HMGN5: variants seen among roughly 807,000 people sequenced by gnomAD.
The protein encoded by HMGN5 is high mobility group nucleosome binding domain 5.
A neutral mutation model predicts 9.5 loss-of-function variants in HMGN5; 4 were observed. That is an observed-to-expected ratio of 0.42 (90% confidence interval 0.21 to 0.96). The LOEUF (loss-of-function observed/expected upper bound fraction) is 0.96, where lower values mean the gene tolerates loss of function less well. Ranked by LOEUF, HMGN5 falls within the 40% of genes least tolerant of loss-of-function variation. The pLI, the probability that HMGN5 is intolerant of heterozygous loss-of-function variation, is 0.30. For missense variants in HMGN5, 192 were observed against 187.5 expected (o/e 1.02, Z -0.14); for synonymous variants, 55 against 57.1 (o/e 0.96, Z 0.16).
At chrX:81,118,529 T>C (rs372255250) in intron 4 of HMGN5, 44 bp from the exon 5 acceptor site, 3 of 1,048,094 alleles carry the variant, frequency 2.9e-6, no homozygotes, top group Non-Finnish European at 3.9e-6. Context: ...AAAAAAATCA[T>C]ATTTGAAGAA....
intron 1 of HMGN5, among the ~76,000 whole-genome samples, chrX:81,145,203 C>T (rs187281708): frequency 3.5e-3 from 386 of 111,812 alleles, no homozygotes; most frequent in African/African-American, 0.012. Flanking sequence ...TCATCAGATT[C>T]ACCAAGGTTG....
chrX:81,170,722 T>C (rs1392532822), intron 1 of HMGN5, among the ~76,000 whole-genome samples: 5 of 111,281 alleles, frequency 4.5e-5, no homozygotes, highest in African/African-American at 1.6e-4. Context: ...AACGCTAACA[T>C]ATCTCAAATT....
At chrX:81,143,315 T>A (rs972186233) in intron 1 of HMGN5, among the ~76,000 whole-genome samples, 3 of 110,868 alleles carry the variant, frequency 2.7e-5, no homozygotes, top group Non-Finnish European at 5.7e-5. Flanking sequence ...TGGACTAAAC[T>A]CTCCCATCAA....
intron 1 of HMGN5, among the ~76,000 whole-genome samples, chrX:81,178,664 C>A (rs1374633406): frequency 9.0e-6 from 1 of 111,687 alleles, no homozygotes; most frequent in Non-Finnish European, 1.9e-5. Flanking sequence ...CTATTCCAAT[C>A]AATAGAAAAA....
intron 1 of HMGN5, among the ~76,000 whole-genome samples, chrX:81,163,829 C>T (rs769436114): frequency 8.1e-5 from 9 of 111,406 alleles, no homozygotes; most frequent in South Asian, 3.8e-4. Flanking sequence ...GATTCTTATG[C>T]GATCTCCATT....
chrX:81,120,805 G>C (rs1171942361), intron 2 of HMGN5, among the ~76,000 whole-genome samples: 1 of 111,085 alleles, frequency 9.0e-6, no homozygotes, highest in Admixed American at 9.6e-5. Flanking sequence ...AGCTCGAAAG[G>C]CTCAGATCAA....
At chrX:81,159,048 C>A (rs1404143580) in intron 1 of HMGN5, among the ~76,000 whole-genome samples, 1 of 111,507 alleles carries the variant, frequency 9.0e-6, no homozygotes, top group Non-Finnish European at 1.9e-5. Context: ...GAGTACTATG[C>A]AGCTATAAAA....
chrX:81,180,687 A>T (rs1278192746), intron 1 of HMGN5, among the ~76,000 whole-genome samples: 1 of 111,953 alleles, frequency 8.9e-6, no homozygotes, highest in Non-Finnish European at 1.9e-5. Context: ...TGACCCAGCA[A>T]TCCTATTACT....
chrX:81,114,543 T>C lies in HMGN5; in HGVS notation c.*106A>G, dbSNP rs2075246765. The C allele has an allele frequency of 4.1e-6, 3 of 740,470 alleles. No individual in the cohort carries two copies. The highest frequency in any genetic ancestry group is 5.4e-6 in the Non-Finnish European group (3 of 553,416). The allele number at this position is 740,470 out of a possible 1,213,427, so 61.0% of individuals were successfully genotyped here. A position where few individuals can be genotyped will look rare whatever the true frequency, so the allele number is the denominator to read the frequency against. ...AGATGTTCTGAAATTAAATCAATGCTAAAGAAAGGCTGTGTTTATAAAATT... is the reference window on the plus strand; with the variant it reads ...AGATGTTCTGAAATTAAATCAATGCCAAAGAAAGGCTGTGTTTATAAAATT... On this transcript the variant is annotated 3_prime_UTR_variant, in exon 7 of 7. Coordinates refer to ENST00000358130, the MANE Select transcript of HMGN5 (RefSeq NM_030763.3).
intron 1 of HMGN5, among the ~76,000 whole-genome samples, chrX:81,131,414 G>A (rs188752312): frequency 1.3e-3 from 142 of 111,280 alleles, no homozygotes; most frequent in Non-Finnish European, 2.5e-3. Context: ...GTATAGTCAG[G>A]TGAACCCCTG....
At chrX:81,164,681 G>C (rs1191897714) in intron 1 of HMGN5, among the ~76,000 whole-genome samples, 1 of 111,463 alleles carries the variant, frequency 9.0e-6, no homozygotes, top group Non-Finnish European at 1.9e-5. Flanking sequence ...ACCAAACAAA[G>C]AAGCTGGAGT....
At chrX:81,173,963 C>A (rs2075434115) in intron 1 of HMGN5, among the ~76,000 whole-genome samples, 2 of 111,080 alleles carry the variant, frequency 1.8e-5, no homozygotes, top group Admixed American at 1.9e-4. Context: ...ATGTGAACTC[C>A]TGGAGATATG....
chrX:81,164,450 A>G (rs966889666), intron 1 of HMGN5, among the ~76,000 whole-genome samples: 1 of 111,501 alleles, frequency 9.0e-6, no homozygotes, highest in Non-Finnish European at 1.9e-5. Context: ...CAACTTTGTT[A>G]TATTTTGTCA....
chrX:81,149,247 G>A (rs965205144), intron 1 of HMGN5, among the ~76,000 whole-genome samples: 39 of 111,786 alleles, frequency 3.5e-4, no homozygotes, highest in African/African-American at 1.2e-3. Flanking sequence ...ACCAATGGTA[G>A]AGTGGATTAA....
chrX:81,183,401 G>T (rs1488778509), intron 1 of HMGN5, among the ~76,000 whole-genome samples: 1 of 112,623 alleles, frequency 8.9e-6, no homozygotes, highest in East Asian at 2.8e-4. Context: ...GGGCCCCGCT[G>T]CCCTGTGCAG....
intron 1 of HMGN5, among the ~76,000 whole-genome samples, chrX:81,189,480 G>A (rs1034420121): frequency 4.5e-5 from 5 of 111,683 alleles, no homozygotes; most frequent in East Asian, 2.8e-4. Flanking sequence ...GGAATCATAC[G>A]GTATGTAGCC....
chrX:81,184,781 C>A (rs1201611090), intron 1 of HMGN5, among the ~76,000 whole-genome samples: 1 of 111,343 alleles, frequency 9.0e-6, no homozygotes, highest in Non-Finnish European at 1.9e-5. Context: ...AGTCTTTAAT[C>A]CATTTTGAAT....
At chrX:81,172,890 G>GA (rs1457355473) in intron 1 of HMGN5, among the ~76,000 whole-genome samples, 1 of 110,803 alleles carries the variant, frequency 9.0e-6, no homozygotes, top group Non-Finnish European at 1.9e-5. Context: ...AAACTACAAT[G>GA]AAAAAGAATG....
chrX:81,186,048 T>A (rs938566510), intron 1 of HMGN5, among the ~76,000 whole-genome samples: 2 of 112,032 alleles, frequency 1.8e-5, no homozygotes, highest in African/African-American at 6.5e-5. Context: ...TGTGTCAATA[T>A]TCAACAAAGA....
Sources: allele counts gnomAD v4.1 joint callset (sites outside exome capture counted in the v4.1 genomes callset), GRCh38; gene constraint gnomAD v4.1.1; transcripts MANE v1.5; gene names NCBI Gene and HGNC (gene_info 2026-07-23, HGNC 2026-07-21).